DAB1: variants seen among roughly 807,000 people sequenced by gnomAD.
The protein encoded by DAB1 is disabled homolog 1.
Under a neutral mutation model 64.6 loss-of-function variants are expected in DAB1, and 15 were observed. The ratio of observed to expected loss-of-function variants is 0.23; its 90% confidence interval spans 0.16 to 0.36. DAB1 has a LOEUF of 0.36. Ranked by LOEUF, DAB1 falls within the 10% of genes least tolerant of loss-of-function variation. The pLI is 1.00. For missense variants in DAB1, 596 were observed against 706.7 expected, an observed-to-expected ratio of 0.84 and a Z score of 1.78; for synonymous variants, 235 against 251.9, an observed-to-expected ratio of 0.93 and a Z score of 0.64.
intron 12 of DAB1, among the ~76,000 whole-genome samples, chr1:57,012,467 G>C (rs1442766239): frequency 6.6e-6 from 1 of 152,164 alleles, no homozygotes; most frequent in Non-Finnish European, 1.5e-5. Flanking sequence ...TAGCAGCACT[G>C]GCATTTAACA....
rs570179768 is a variant in DAB1 at position 57,163,141 on chromosome 1, C to A, written c.68-17712G>T. On this transcript the variant is annotated intron_variant, in intron 2 of 14. Transcript: ENST00000371236. ...TCATGAACCAGAGGGAGGAAGCTCC[C>A]GCTCTCCTAGAGCTGCTGATCTGAG... Among the ~76,000 whole-genome samples, 38 of 152,306 alleles carry A rather than the reference C, an allele frequency of 2.5e-4. 1 individual carries two copies. The highest frequency in any genetic ancestry group is 7.8e-4 in the Admixed American group (12 of 15,290).
At chr1:57,336,712 C>A (rs143298938) in intron 1 of DAB1, among the ~76,000 whole-genome samples, 1 of 152,166 alleles carries the variant, frequency 6.6e-6, no homozygotes, top group Non-Finnish European at 1.5e-5. Flanking sequence ...CATTATTCTG[C>A]CCCTTACAAG....
At chr1:57,525,446 A>AC (rs1415557146) in intron 7 of DAB1, among the ~76,000 whole-genome samples, 1 of 151,936 alleles carries the variant, frequency 6.6e-6, no homozygotes, top group Non-Finnish European at 1.5e-5. Context: ...GGAAATTGAA[A>AC]AAAAGGATGC....
intron 1 of DAB1, among the ~76,000 whole-genome samples, chr1:57,380,355 A>T (rs533549047): frequency 6.6e-6 from 1 of 152,330 alleles, no homozygotes; most frequent in South Asian, 2.1e-4. Flanking sequence ...AGTGGCTACC[A>T]TTATTAACTT....
intron 2 of DAB1, among the ~76,000 whole-genome samples, chr1:57,255,060 T>C (rs1018807500): frequency 4.6e-5 from 7 of 152,186 alleles, no homozygotes; most frequent in Admixed American, 3.3e-4. Flanking sequence ...TGACAAATAG[T>C]AGGTGCTCAA....
At chr1:57,422,363 AGGGCTCGCCCCC>A (rs993951494) in intron 1 of DAB1, among the ~76,000 whole-genome samples, 6 of 152,272 alleles carry the variant, frequency 3.9e-5, no homozygotes, top group South Asian at 2.1e-4. Context: ...AGCTCGCAGG[AGGGCTCGCCCCC>A]GGGCTCGCCC....
Position 57,056,188 on chromosome 1 carries a change from C to T in DAB1, c.723+6696G>A, listed in dbSNP as rs548691120. The stretch of plus-strand genomic sequence containing the variant: ...TTTTGAACCATTAGAAAATACTGCT[C>T]CATGATTACCACAATAAAATGTGGT... On this transcript the variant is annotated intron_variant, in intron 9 of 14. Coordinates refer to ENST00000371236, the MANE Select transcript of DAB1 (RefSeq NM_001365792.1). Among the ~76,000 whole-genome samples, 7 of 152,030 alleles carry T rather than the reference C, an allele frequency of 4.6e-5. No individual in the cohort carries two copies. The South Asian group carries it at 8.3e-4, about 18-fold the overall frequency.
At chr1:58,313,222 C>G (rs1294440610) in intron 4 of DAB1, among the ~76,000 whole-genome samples, 1 of 152,106 alleles carries the variant, frequency 6.6e-6, no homozygotes, top group Non-Finnish European at 1.5e-5. Context: ...ATGGACCCAG[C>G]AGAAAACAGA....
chr1:58,235,071 C>T (rs1659955634), intron 4 of DAB1, among the ~76,000 whole-genome samples: 1 of 152,240 alleles, frequency 6.6e-6, no homozygotes, highest in Non-Finnish European at 1.5e-5. Flanking sequence ...AATCCGGCCC[C>T]TCGCCACACA....
At chr1:57,816,338 C>T (rs1350468456) in intron 6 of DAB1, among the ~76,000 whole-genome samples, 2 of 152,210 alleles carry the variant, frequency 1.3e-5, no homozygotes, top group African/African-American at 4.8e-5. Context: ...TGCACCTCAA[C>T]ACCTTCCTCT....
chr1:57,364,084 T>C (rs747444444), intron 1 of DAB1, among the ~76,000 whole-genome samples: 1 of 152,218 alleles, frequency 6.6e-6, no homozygotes, highest in Non-Finnish European at 1.5e-5. Context: ...TTTTGATTTT[T>C]TCCCTGGTTG....
At chr1:58,368,376 T>C (rs968276734) in intron 3 of DAB1, among the ~76,000 whole-genome samples, 2 of 152,152 alleles carry the variant, frequency 1.3e-5, no homozygotes, top group East Asian at 1.9e-4. Flanking sequence ...ATCTCAGGGT[T>C]AAAGTTTTGG....
intron 4 of DAB1, among the ~76,000 whole-genome samples, chr1:57,088,082 A>AT (rs1329568320): frequency 1.3e-5 from 2 of 152,116 alleles, no homozygotes; most frequent in African/African-American, 4.8e-5. Context: ...TTTTGTTTTG[A>AT]TTTTTGAGAC....
intron 4 of DAB1, among the ~76,000 whole-genome samples, chr1:58,202,168 C>T (rs1658032489): frequency 6.6e-6 from 1 of 152,176 alleles, no homozygotes; most frequent in Non-Finnish European, 1.5e-5. Flanking sequence ...AAAAGACAAT[C>T]TGGAAATTAG....
rs184362738 is a variant in DAB1, at chr1:57,208,475, A to G, written c.68-63046T>C. ...GGATCACACTCTTCCCTTAGGAACA[A>G]CAGCCTTTCAGACCACCTCACCTGG... On this transcript the variant is annotated intron_variant, in intron 2 of 14. Transcript: ENST00000371236. Among the ~76,000 whole-genome samples the G allele has an allele frequency of 3.3e-5, 5 of 152,302 alleles. No homozygotes were observed. In the East Asian group the frequency reaches 9.7e-4, roughly 29 times the overall value.
At chr1:57,416,991 C>A (rs1325060271) in intron 1 of DAB1, among the ~76,000 whole-genome samples, 4 of 152,012 alleles carry the variant, frequency 2.6e-5, no homozygotes, top group Admixed American at 6.6e-5. Context: ...AATACCATTT[C>A]TTTTTATTAT....
At chr1:57,784,474 C>T (rs1468769299) in intron 6 of DAB1, among the ~76,000 whole-genome samples, 2 of 152,076 alleles carry the variant, frequency 1.3e-5, no homozygotes, top group Non-Finnish European at 2.9e-5. Context: ...AAGAAAGGCT[C>T]TTAAAGAAAA....
At chr1:57,315,737 C>T (rs568317007) in intron 1 of DAB1, among the ~76,000 whole-genome samples, 1 of 152,134 alleles carries the variant, frequency 6.6e-6, no homozygotes, top group African/African-American at 2.4e-5. Flanking sequence ...CTCCTGACCT[C>T]GTGATCCGCC....
At chr1:57,651,815 T>C (rs894029646) in intron 6 of DAB1, among the ~76,000 whole-genome samples, 4 of 152,212 alleles carry the variant, frequency 2.6e-5, no homozygotes, top group Non-Finnish European at 5.9e-5. Context: ...TATTTTCTCA[T>C]TTAATCCTCC....
Sources: gnomAD v4.1 joint callset for allele counts (sites outside exome capture counted in the v4.1 genomes callset) on GRCh38, gnomAD v4.1.1 for gene constraint, MANE v1.5 for transcripts, NCBI Gene and HGNC (gene_info 2026-07-23, HGNC 2026-07-21) for gene names.